The following CANX variants were observed in gnomAD, a reference collection of about 807,000 sequenced individuals.
The protein encoded by CANX is calnexin.
In CANX, 14 loss-of-function variants were observed where a neutral mutation model predicts 75.7. The ratio of observed to expected loss-of-function variants is 0.19; its 90% CI spans 0.12 to 0.29. CANX has a LOEUF of 0.29. Among genes scored for constraint, CANX ranks in the 10% least tolerant of loss-of-function variants. The probability of loss-of-function intolerance (pLI) is 1.00; values close to 1 mark genes in which losing one functional copy is unlikely to be tolerated. For missense variants in CANX, 567 were observed against 713.2 expected (o/e 0.79, Z 2.34); for synonymous variants, 227 against 236.9 (o/e 0.96, Z 0.38).
In CANX at chr5:179,689,191, G is replaced by C. The variant is rs144936860; in HGVS notation, c.-4+10414G>C. ...AAACCCAGGAGGCAGAGGTTGCAGT[G>C]AGCAGAGATCGTGCCACAGCAGTCC... On this transcript the variant is annotated intron_variant, in intron 1 of 14. Transcript: ENST00000681674. 3.7e-3 allele frequency among the ~76,000 whole-genome samples: 567 copies of C among 152,160 alleles called. 1 individual carries two copies. Among genetic ancestry groups the C allele is most frequent in the Middle Eastern group, 6.8e-3 (2 of 294 alleles).
intron 1 of CANX, among the ~76,000 whole-genome samples, chr5:179,679,958 CTTTTTTT>C (rs34916199): frequency 8.4e-5 from 5 of 59,374 alleles, no homozygotes; most frequent in Admixed American, 4.4e-4. Flanking sequence ...TGCGCCTGGC[CTTTTTTT>C]TTTTTTTTTT....
At chr5:179,703,641 A>ATT (rs372523788) in intron 1 of CANX, among the ~76,000 whole-genome samples, 6 of 142,044 alleles carry the variant, frequency 4.2e-5, no homozygotes, top group Admixed American at 1.4e-4. Context: ...AGACAGGATA[A>ATT]TTTTTTTTTT....
chr5:179,694,467 C>A, upstream of CANX: 1 of 715,494 alleles, frequency 1.4e-6, no homozygotes, highest in Non-Finnish European at 2.5e-6. Flanking sequence ...CCCCAAAAGG[C>A]CACCATCTGG....
intron 1 of CANX, among the ~76,000 whole-genome samples, chr5:179,700,033 T>C (rs1027167204): frequency 6.6e-6 from 1 of 152,234 alleles, no homozygotes; most frequent in Non-Finnish European, 1.5e-5. Context: ...CGACATTTAG[T>C]AACTGCTCGA....
chr5:179,696,000 GC>G (rs1776393985), upstream of CANX, among the ~76,000 whole-genome samples: 3 of 151,374 alleles, frequency 2.0e-5, no homozygotes, highest in South Asian at 6.3e-4. Flanking sequence ...GCTCACTGCA[GC>G]CTTGACCTCT....
At chr5:179,687,581 T>C (rs1288264990) in intron 1 of CANX, among the ~76,000 whole-genome samples, 1 of 152,226 alleles carries the variant, frequency 6.6e-6, no homozygotes, top group East Asian at 1.9e-4. Context: ...TCATGCTCAC[T>C]GTTGAAAGCT....
At chr5:179,705,085 A>T (rs1777038746) in intron 1 of CANX, among the ~76,000 whole-genome samples, 1 of 151,988 alleles carries the variant, frequency 6.6e-6, no homozygotes, top group Non-Finnish European at 1.5e-5. Flanking sequence ...TCCTGGGTTC[A>T]AGCAGTTCTC....
rs573763139 is a variant in CANX, at chr5:179,723,007, T to C, written c.1386T>C (p.Asp462=). 6.8e-6 allele frequency: 11 copies of C among 1,613,856 alleles called. No homozygotes were observed. In the South Asian group the frequency reaches 1.1e-4, roughly 16 times the overall value. ...GATGGGGCCTGAAGAAAGCTGCTGATGGGGCTGCTGAGGTTCGTGTTTGCT... is the reference window on the plus strand; with the variant it reads ...GATGGGGCCTGAAGAAAGCTGCTGACGGGGCTGCTGAGGTTCGTGTTTGCT... ...NDGWGLKKAA[D]GAAEPGVVGQ... The change falls in exon 11 of 15, where the codon GAT becomes GAC. Residue 462 remains aspartate (D), a synonymous_variant. Transcript: ENST00000247461.
rs1232619704 is a variant in CANX at position 179,699,018 on chromosome 5, C to T, written c.-88C>T. On this transcript the variant is annotated 5_prime_UTR_variant, in exon 1 of 15. Coordinates refer to ENST00000247461, the MANE Select transcript of CANX (RefSeq NM_001746.4). ...GCGGCACGTGACGGTCGGGCCGCCT[C>T]CGCCTCTCTCTTTACTGCGGCGCGG... 3 of 1,116,986 alleles carry T rather than the reference C, an allele frequency of 2.7e-6. No homozygotes were observed. The highest frequency in any genetic ancestry group is 3.3e-6 in the Non-Finnish European group (3 of 907,640). The allele number at this position is 1,116,986 out of a possible 1,614,324, so 69.2% of individuals were successfully genotyped here. A position where few individuals can be genotyped will look rare whatever the true frequency, so the allele number is the denominator to read the frequency against.
intron 6 of CANX, chr5:179,709,613 G>A (rs1294627969): frequency 3.7e-6 from 1 of 267,482 alleles, no homozygotes; most frequent in East Asian, 6.6e-5. Context: ...GTTTTGGCAA[G>A]CTTATTTCTT....
At chr5:179,719,413 A>G (rs1778166556) in intron 8 of CANX, among the ~76,000 whole-genome samples, 2 of 152,078 alleles carry the variant, frequency 1.3e-5, no homozygotes, top group Admixed American at 1.3e-4. Context: ...TTACATTCGT[A>G]TGTCTTCTTT....
intron 3 of CANX, among the ~76,000 whole-genome samples, 160 bp from the exon 4 acceptor site, chr5:179,706,972 A>T (rs758989377): frequency 5.3e-5 from 8 of 152,214 alleles, no homozygotes; most frequent in Non-Finnish European, 1.0e-4. Context: ...AGTTGAAGAT[A>T]ATGTATTATC....
chr5:179,722,645 C>T (rs1778386061), intron 10 of CANX, among the ~76,000 whole-genome samples, 159 bp from the exon 11 acceptor site: 1 of 152,194 alleles, frequency 6.6e-6, no homozygotes, highest in Non-Finnish European at 1.5e-5. Context: ...GTAAAATAAT[C>T]TGTAGCATTT....
chr5:179,705,960 C>T, intron 2 of CANX, 108 bp downstream of exon 2: 2 of 835,166 alleles, frequency 2.4e-6, no homozygotes, highest in South Asian at 3.3e-5. Flanking sequence ...AGGCCTAGGA[C>T]AGGAGTGTGA....
At chr5:179,721,623 T>G (rs1041265436) in intron 10 of CANX, among the ~76,000 whole-genome samples, 75 of 152,218 alleles carry the variant, frequency 4.9e-4, no homozygotes, top group African/African-American at 1.7e-3. Flanking sequence ...ATAAAAAGAC[T>G]GAGGCCCAAA....
upstream of CANX, among the ~76,000 whole-genome samples, chr5:179,693,427 A>C (rs1776336720): frequency 8.7e-6 from 1 of 114,584 alleles, no homozygotes; most frequent in Admixed American, 9.5e-5. Flanking sequence ...TAATCCCAGC[A>C]CTTTGGGAGG....
intron 1 of CANX, among the ~76,000 whole-genome samples, chr5:179,686,100 G>GTTTTTTTTT (rs1562434745): frequency 4.0e-5 from 4 of 101,156 alleles, no homozygotes; most frequent in Admixed American, 1.1e-4. Context: ...GGTTGTTCAA[G>GTTTTTTTTT]TCTTTTTTTT....
intron 7 of CANX, among the ~76,000 whole-genome samples, chr5:179,713,983 T>C (rs749462370): frequency 4.6e-5 from 7 of 152,104 alleles, no homozygotes. Context: ...TTGTTTGTTT[T>C]GTTTTGTTTT....
intron 1 of CANX, among the ~76,000 whole-genome samples, chr5:179,684,613 T>C (rs1776150789): frequency 6.6e-6 from 1 of 152,078 alleles, no homozygotes; most frequent in Non-Finnish European, 1.5e-5. Flanking sequence ...GTGCTGAGAT[T>C]ACAGGCTTGA....
Sources: gnomAD v4.1 joint callset for allele counts (sites outside exome capture counted in the v4.1 genomes callset) on GRCh38, gnomAD v4.1.1 for gene constraint, MANE v1.5 for transcripts, NCBI Gene and HGNC (gene_info 2026-07-23, HGNC 2026-07-21) for gene names.